Variants in ABCA12 observed in about 807,000 individuals in gnomAD.
ABCA12 encodes the protein glucosylceramide transporter ABCA12.
A neutral mutation model predicts 293.5 loss-of-function variants in ABCA12; 156 were observed. The observed-to-expected ratio is 0.53, with a 90% CI of 0.47 to 0.61. ABCA12 has a LOEUF of 0.61. Among genes scored for constraint, ABCA12 ranks in the 20% least tolerant of loss-of-function variants. ABCA12 has a pLI of 0.00. For missense variants in ABCA12, 2,797 were observed against 3,090.2 expected, an observed-to-expected ratio of 0.91 and a Z score of 2.25; for synonymous variants, 1,063 against 1,108.0, an observed-to-expected ratio of 0.96 and a Z score of 0.81.
chr2:215,136,265 C>T (rs1305551888), intron 1 of ABCA12, among the ~76,000 whole-genome samples: 1 of 152,128 alleles, frequency 6.6e-6, no homozygotes, highest in African/African-American at 2.4e-5. Context: ...GCTTGAAAAA[C>T]TTTTAATATC....
At chr2:215,001,466 A>G in intron 21 of ABCA12, 92 bp downstream of exon 21, 1 of 1,517,312 alleles carries the variant, frequency 6.6e-7, no homozygotes, top group Non-Finnish European at 9.1e-7. Flanking sequence ...CCCCCACACT[A>G]GTTTTCTGAG....
intron 1 of ABCA12, among the ~76,000 whole-genome samples, chr2:215,118,451 T>C (rs1289613816): frequency 6.6e-6 from 1 of 152,120 alleles, no homozygotes; most frequent in Non-Finnish European, 1.5e-5. Context: ...TGAATATCAA[T>C]ACAATTTCTA....
chr2:215,036,914 T>A (rs1701006478), intron 8 of ABCA12, 39 bp downstream of exon 8: 1 of 1,559,010 alleles, frequency 6.4e-7, no homozygotes, highest in Non-Finnish European at 8.8e-7. Flanking sequence ...ATGGGCTTTG[T>A]GACACTGAAT....
Position 214,947,555 on chromosome 2 carries a change from G to C in ABCA12, c.7106C>G (p.Thr2369Ser). The change falls in exon 48 of 53, where the codon ACT becomes AGT. Residue 2369 changes from threonine to serine, a missense_variant and splice_region_variant. Coordinates refer to ENST00000272895, the MANE Select transcript of ABCA12 (RefSeq NM_173076.3). ...AAGTCTCCTAAGGAGTTTATGAACA[G>C]TCTGTAGGCAATAAAAGGGGAGTTA... is the stretch of plus-strand genomic sequence containing the variant. ...HGIPEKDIKE[T>S]VHKLLRRLHL... 6.2e-7 allele frequency: 1 copy of C among 1,613,740 alleles called. No individual in the cohort carries two copies. The highest frequency in any genetic ancestry group is 1.3e-5 in the African/African-American group (1 of 75,008).
At chr2:215,012,718 T>C (rs1217611447) in intron 15 of ABCA12, among the ~76,000 whole-genome samples, 2 of 152,168 alleles carry the variant, frequency 1.3e-5, no homozygotes, top group African/African-American at 2.4e-5. Flanking sequence ...GTGGTAATAG[T>C]TGCACAATTC....
At chr2:214,987,289 A>G (rs1699808980) in intron 27 of ABCA12, among the ~76,000 whole-genome samples, 1 of 152,194 alleles carries the variant, frequency 6.6e-6, no homozygotes, top group African/African-American at 2.4e-5. Context: ...GGGTTATGCT[A>G]AATTACTCAA....
intron 31 of ABCA12, among the ~76,000 whole-genome samples, chr2:214,979,742 C>A (rs1200603514): frequency 6.6e-6 from 1 of 151,962 alleles, no homozygotes; most frequent in Non-Finnish European, 1.5e-5. Flanking sequence ...GCATAATGCA[C>A]CTAATACATA....
At chr2:215,115,734 C>T (rs1242029613) in intron 1 of ABCA12, among the ~76,000 whole-genome samples, 1 of 152,140 alleles carries the variant, frequency 6.6e-6, no homozygotes, top group Non-Finnish European at 1.5e-5. Flanking sequence ...TCTTTTTCTT[C>T]TTCTTTTCCT....
At position 214,937,542 on chromosome 2, in the gene ABCA12, T is replaced by A; in HGVS notation, c.7510A>T (p.Met2504Leu). 2 of 1,613,968 alleles carry A rather than the reference T, an allele frequency of 1.2e-6. No homozygotes were observed. Among genetic ancestry groups the A allele is most frequent in the Non-Finnish European group, 1.7e-6 (2 of 1,179,890 alleles). ...KVTMETLTKF[M>L]QLHFPKTYLK... Reference sequence around the variant, plus strand: ...TATGTTTTTGGAAAGTGCAGCTGCATGAACTTTGTGAGGGTCTCCATGGTC... The same window carrying A: ...TATGTTTTTGGAAAGTGCAGCTGCAAGAACTTTGTGAGGGTCTCCATGGTC... The change falls in exon 51 of 53, where the codon ATG becomes TTG. Residue 2504 changes from methionine (M) to leucine (L), a missense_variant. By Grantham distance (15) the Met-to-Leu change is conservative. This residue lies in a region of ABCA12 where 2,130 missense variants were observed against 2,427.0 expected (regional missense o/e 0.88). Coordinates refer to ENST00000272895, the MANE Select transcript of ABCA12 (RefSeq NM_173076.3).
chr2:215,037,562 C>A (rs1287611745), intron 7 of ABCA12, among the ~76,000 whole-genome samples: 1 of 152,034 alleles, frequency 6.6e-6, no homozygotes, highest in Non-Finnish European at 1.5e-5. Context: ...ATGGAGCTTG[C>A]CCTAATTAAA....
intron 1 of ABCA12, among the ~76,000 whole-genome samples, chr2:215,119,694 T>C (rs2105906629): frequency 1.3e-5 from 2 of 149,894 alleles, no homozygotes; most frequent in African/African-American, 5.0e-5. Context: ...TGCCATGCTG[T>C]TTTGGCCTCA....
chr2:215,047,288 T>C (rs1701223188), intron 6 of ABCA12, among the ~76,000 whole-genome samples: 1 of 152,212 alleles, frequency 6.6e-6, no homozygotes. Context: ...TAGAGTGTTC[T>C]TGCTTCTAAT....
At chr2:215,010,222 A>C in intron 18 of ABCA12, 109 bp downstream of exon 18, 1 of 1,330,724 alleles carries the variant, frequency 7.5e-7, no homozygotes, top group Admixed American at 1.8e-5. Flanking sequence ...GATAATAATA[A>C]TAGTAGGTAA....
At position 215,010,322 on chromosome 2, in the gene ABCA12, T is replaced by C. The variant is rs763990870; in HGVS notation, c.2472+9A>G. 5.0e-6 allele frequency: 8 copies of C among 1,613,548 alleles called. No homozygotes were observed. The highest frequency in any genetic ancestry group is 6.8e-6 in the Non-Finnish European group (8 of 1,179,548). On this transcript the variant is annotated intron_variant, in intron 18 of 52. Coordinates refer to ENST00000272895, the MANE Select transcript of ABCA12 (RefSeq NM_173076.3). Reference sequence around the variant, plus strand: ...AGTCAAAATAGAAACTGAGTTATAATGGTCAAACCTTTTCCATTATTGCCT... The same window carrying C: ...AGTCAAAATAGAAACTGAGTTATAACGGTCAAACCTTTTCCATTATTGCCT...
intron 12 of ABCA12, 43 bp downstream of exon 12, chr2:215,019,497 T>G: frequency 1.2e-6 from 2 of 1,614,058 alleles, no homozygotes; most frequent in South Asian, 2.2e-5. Context: ...TTCAATATTT[T>G]GAAAGAGATT....
At chr2:214,965,353 C>A (rs60627246) in intron 39 of ABCA12, among the ~76,000 whole-genome samples, 3,814 of 152,148 alleles carry the variant, frequency 0.025, 69 homozygotes, top group East Asian at 0.098. Context: ...AAAAACAAAG[C>A]AATTGCAACA....
chr2:214,966,788 T>A, intron 39 of ABCA12, 60 bp downstream of exon 39: 1 of 1,519,530 alleles, frequency 6.6e-7, no homozygotes, highest in Non-Finnish European at 9.1e-7. Flanking sequence ...ATAAAGTGCA[T>A]TTTTATACAA....
At chr2:214,944,875 A>ATT (rs771397913) in intron 49 of ABCA12, 126 bp downstream of exon 49, 3 of 514,230 alleles carry the variant, frequency 5.8e-6, no homozygotes, top group Admixed American at 2.9e-5. Flanking sequence ...GTATGTGTGT[A>ATT]TATATATATA....
chr2:215,114,190 G>A (rs1207420382), intron 1 of ABCA12, among the ~76,000 whole-genome samples: 3 of 152,156 alleles, frequency 2.0e-5, no homozygotes, highest in Non-Finnish European at 1.5e-5. Context: ...GGCCAGGATG[G>A]TCTTGATCTC....
Sources: allele counts gnomAD v4.1 joint callset (sites outside exome capture counted in the v4.1 genomes callset), GRCh38; gene constraint gnomAD v4.1.1; regional missense constraint gnomAD v4.1.1; transcripts MANE v1.5; gene names NCBI Gene and HGNC (gene_info 2026-07-23, HGNC 2026-07-21).